The following HESX1 variants were observed in gnomAD, a reference collection of about 807,000 sequenced individuals.
HESX1 encodes homeobox expressed in ES cells 1.
HESX1 carries 11 observed loss-of-function variants against 22.5 expected under a neutral mutation model. The observed-to-expected ratio is 0.49, with a 90% CI of 0.31 to 0.81. The LOEUF is 0.81. Ranked by LOEUF, HESX1 falls within the 30% of genes least tolerant of loss-of-function variation. The pLI is 0.05. For missense variants in HESX1, 201 were observed against 212.6 expected (o/e 0.95, Z 0.34); for synonymous variants, 74 against 76.5 (o/e 0.97, Z 0.17).
chr3:57,212,065 T>C (rs527696939), intron 1 of HESX1, among the ~76,000 whole-genome samples: 1 of 152,300 alleles, frequency 6.6e-6, no homozygotes, highest in African/African-American at 2.4e-5. Context: ...AGTAAGTTTA[T>C]TGAGTACATT....
intron 1 of HESX1, among the ~76,000 whole-genome samples, chr3:57,212,557 CAA>C (rs56093005): frequency 1.0e-4 from 8 of 80,096 alleles, no homozygotes; most frequent in Admixed American, 1.4e-4. Flanking sequence ...GACTCTGTCT[CAA>C]AAAAAAAAAA....
chr3:57,222,377 G>C (rs1451749707), intron 1 of HESX1, among the ~76,000 whole-genome samples: 1 of 152,018 alleles, frequency 6.6e-6, no homozygotes, highest in Non-Finnish European at 1.5e-5. Flanking sequence ...TCCCACCTCA[G>C]CCTCCCGAGT....
upstream of HESX1, among the ~76,000 whole-genome samples, chr3:57,204,126 G>A (rs1401141809): frequency 6.6e-6 from 1 of 152,070 alleles, no homozygotes; most frequent in Non-Finnish European, 1.5e-5. Flanking sequence ...CTGACCTGCA[G>A]TTTTGTGAGA....
In HESX1 at chr3:57,198,038, T is replaced by C. The variant is rs2060457887; in HGVS notation, c.*159A>G. ...TACTATAACTAAAAGTGCCCAAATA[T>C]GTACCATGCTATAATAGTATTTACA... On this transcript the variant is annotated 3_prime_UTR_variant, in exon 4 of 4. Transcript: ENST00000295934. The C allele has an allele frequency of 5.0e-6, 3 of 598,702 alleles. No homozygotes were observed. Among genetic ancestry groups the C allele is most frequent in the East Asian group, 5.7e-5 (2 of 35,292 alleles). The allele number at this position is 598,702 out of a possible 1,614,324, so 37.1% of individuals were successfully genotyped here. A position where few individuals can be genotyped will look rare whatever the true frequency, so the allele number is the denominator to read the frequency against.
At chr3:57,201,481 AT>A (rs1441945208), upstream of HESX1, among the ~76,000 whole-genome samples, 2 of 151,870 alleles carry the variant, frequency 1.3e-5, no homozygotes, top group African/African-American at 4.8e-5. Context: ...TCCTTCCACA[AT>A]TGGTTGAGCA....
intron 1 of HESX1, among the ~76,000 whole-genome samples, chr3:57,220,968 A>G (rs748525914): frequency 1.3e-5 from 2 of 152,064 alleles, no homozygotes; most frequent in Non-Finnish European, 2.9e-5. Context: ...GAACCAGGCC[A>G]GGCCACTCTT....
At chr3:57,218,439 C>CTTTTTTTTT (rs60734023) in intron 1 of HESX1, among the ~76,000 whole-genome samples, 3 of 102,276 alleles carry the variant, frequency 2.9e-5, no homozygotes, top group African/African-American at 1.0e-4. Context: ...TGATCTCATT[C>CTTTTTTTTT]TTTTTTTTTT....
upstream of HESX1, among the ~76,000 whole-genome samples, chr3:57,204,465 T>C (rs1332895549): frequency 6.6e-6 from 1 of 152,220 alleles, no homozygotes; most frequent in African/African-American, 2.4e-5. Flanking sequence ...TTTTTTGGCT[T>C]GAGCAAATAC....
intron 1 of HESX1, among the ~76,000 whole-genome samples, chr3:57,223,063 A>C (rs1051438675): frequency 2.6e-5 from 4 of 152,196 alleles, no homozygotes; most frequent in Admixed American, 6.5e-5. Flanking sequence ...GCTACTCTAA[A>C]AGCTCATTAA....
intron 1 of HESX1, among the ~76,000 whole-genome samples, chr3:57,209,051 G>A (rs991907864): frequency 6.6e-6 from 1 of 152,140 alleles, no homozygotes; most frequent in African/African-American, 2.4e-5. Flanking sequence ...ACATTATTGT[G>A]TAATTCTGGA....
upstream of HESX1, among the ~76,000 whole-genome samples, chr3:57,201,385 G>A (rs1427669141): frequency 1.3e-5 from 2 of 152,024 alleles, no homozygotes; most frequent in African/African-American, 2.4e-5. Flanking sequence ...AAGGTGGGGG[G>A]TATCTTAATC....
At chr3:57,207,750 C>A (rs972145748) in intron 1 of HESX1, among the ~76,000 whole-genome samples, 1 of 152,042 alleles carries the variant, frequency 6.6e-6, no homozygotes, top group African/African-American at 2.4e-5. Context: ...AAGAAATTAT[C>A]AGAAATGACT....
intron 1 of HESX1, among the ~76,000 whole-genome samples, chr3:57,218,794 A>C (rs2060598963): frequency 6.6e-6 from 1 of 152,042 alleles, no homozygotes; most frequent in South Asian, 2.1e-4. Context: ...ATATGTACCA[A>C]ATTTTCTTTA....
At chr3:57,222,099 T>C (rs928102569) in intron 1 of HESX1, among the ~76,000 whole-genome samples, 2 of 152,174 alleles carry the variant, frequency 1.3e-5, no homozygotes, top group Non-Finnish European at 2.9e-5. Context: ...CTAGTGTTCT[T>C]GGAAGCACGT....
intron 1 of HESX1, among the ~76,000 whole-genome samples, chr3:57,223,930 C>T (rs974918871): frequency 7.2e-5 from 11 of 152,146 alleles, no homozygotes; most frequent in African/African-American, 2.4e-4. Context: ...ATCATGTCCT[C>T]ACCATCCTTA....
At chr3:57,201,787 C>A (rs112980807), upstream of HESX1, among the ~76,000 whole-genome samples, 2,110 of 151,922 alleles carry the variant, frequency 0.014, 35 homozygotes, top group African/African-American at 0.049. Flanking sequence ...CAGTTTTCAA[C>A]TTCTTCTTTA....
At chr3:57,215,951 G>A (rs1401528635) in intron 1 of HESX1, among the ~76,000 whole-genome samples, 2 of 152,176 alleles carry the variant, frequency 1.3e-5, no homozygotes, top group East Asian at 1.9e-4. Flanking sequence ...TGCAAGTACA[G>A]TACAAAAACC....
At chr3:57,218,126 CA>C (rs2107582721) in intron 1 of HESX1, among the ~76,000 whole-genome samples, 1 of 152,222 alleles carries the variant, frequency 6.6e-6, no homozygotes, top group Non-Finnish European at 1.5e-5. Context: ...ATTTTTGGTT[CA>C]GGGGTACACA....
Position 57,199,638 on chromosome 3 carries a change from A to C in HESX1, c.157+124T>G. The C allele has an allele frequency of 5.4e-6, 3 of 556,196 alleles. 1 individual carries two copies. Among genetic ancestry groups the C allele is most frequent in the South Asian group, 1.0e-4 (2 of 19,170 alleles). The allele number at this position is 556,196 out of a possible 1,614,324, so 34.5% of individuals were successfully genotyped here. ...CTGTCTCAGAAAAAAAAAAAAAATA[A>C]TAAATAATAATAATAAATTAAATTA... is the stretch of plus-strand genomic sequence containing the variant. On this transcript the variant is annotated intron_variant, in intron 1 of 3. Coordinates refer to ENST00000295934, the MANE Select transcript of HESX1 (RefSeq NM_003865.3).
Sources: gnomAD v4.1 joint callset for allele counts (sites outside exome capture counted in the v4.1 genomes callset) on GRCh38, gnomAD v4.1.1 for gene constraint, MANE v1.5 for transcripts, NCBI Gene and HGNC (gene_info 2026-07-23, HGNC 2026-07-21) for gene names.